CA11: variants seen among roughly 807,000 people sequenced by gnomAD.
CA11 encodes the protein carbonic anhydrase 11 (inactive), also known as carbonic anhydrase-related protein 11.
A neutral mutation model predicts 39.3 loss-of-function variants in CA11; 20 were observed. The ratio of observed to expected loss-of-function variants is 0.51; its 90% CI spans 0.36 to 0.74. CA11 has a LOEUF of 0.74. Among genes scored for constraint, CA11 ranks in the 30% least tolerant of loss-of-function variants. The pLI, the probability that CA11 is intolerant of heterozygous loss-of-function variation, is 0.00. For missense variants in CA11, 336 were observed against 424.6 expected (o/e 0.79, Z 1.83); for synonymous variants, 166 against 172.5 (o/e 0.96, Z 0.29).
At chr19:48,640,978 G>GTT (rs201065266) in intron 3 of CA11, among the ~76,000 whole-genome samples, 20 of 89,360 alleles carry the variant, frequency 2.2e-4, no homozygotes, top group African/African-American at 4.5e-4. Context: ...CCGGCTTTTT[G>GTT]TTTTTGTTTT....
At position 48,640,093 on chromosome 19, in the gene CA11, A is replaced by G. The variant is rs2031020951; in HGVS notation, c.471+2T>C. The G allele has an allele frequency of 1.9e-6, 3 of 1,611,248 alleles. No individual in the cohort carries two copies. The highest frequency in any genetic ancestry group is 2.5e-6 in the Non-Finnish European group (3 of 1,177,846). ...GGCGGGTAAACAATCAGTGGCCACTACCTCAGCAGAGAAGCCCTGGTGGTT... is the reference window on the plus strand; with the variant it reads ...GGCGGGTAAACAATCAGTGGCCACTGCCTCAGCAGAGAAGCCCTGGTGGTT... On this transcript the variant is annotated splice_donor_variant, in intron 4 of 8. Transcript: ENST00000084798. LOFTEE classifies it high-confidence loss of function.
At chr19:48,640,370 T>A (rs1601188154) in intron 3 of CA11, 90 bp from the exon 4 acceptor site, 17 of 591,306 alleles carry the variant, frequency 2.9e-5, no homozygotes, top group East Asian at 4.4e-5. Context: ...CAACAGTCTT[T>A]TTTTTTTTTT....
At position 48,640,151 on chromosome 19, in the gene CA11, C is replaced by T; in HGVS notation, c.415G>A (p.Ala139Thr). The T allele has an allele frequency of 6.2e-7, 1 of 1,614,060 alleles. No homozygotes were observed. Among genetic ancestry groups the T allele is most frequent in the Non-Finnish European group, 8.5e-7 (1 of 1,180,012 alleles). The change falls in exon 4 of 9, where the codon GCT becomes ACT. Residue 139 changes from alanine to threonine, a missense_variant. Physicochemically the swap from Ala to Thr is moderately conservative, Grantham distance 58. Transcript: ENST00000084798. Reference protein sequence around the residue: ...RLSELRLLFGARDGAGSEHQI... With the variant: ...RLSELRLLFGTRDGAGSEHQI... ...TGTTCCGAGCCGGCTCCGTCGCGAG[C>T]TCCAAACAGCAGCCGCAGTTCACTG...
intron 3 of CA11, among the ~76,000 whole-genome samples, chr19:48,641,748 G>A (rs1045700890): frequency 6.6e-6 from 1 of 151,292 alleles, no homozygotes; most frequent in Non-Finnish European, 1.5e-5. Context: ...GGGCTCAAAC[G>A]ATCCTCCTGC....
intron 3 of CA11, 136 bp from the exon 4 acceptor site, chr19:48,640,416 C>G (rs1431555539): frequency 2.1e-5 from 15 of 718,540 alleles, no homozygotes; most frequent in Admixed American, 6.7e-5. Flanking sequence ...CTCTTGTTGC[C>G]CAGGCTGGAG....
chr19:48,643,441 C>T lies in CA11; in HGVS notation c.285+986G>A, dbSNP rs1316469848. 6.6e-6 allele frequency among the ~76,000 whole-genome samples: 1 copy of T among 152,046 alleles called. No individual in the cohort carries two copies. Among genetic ancestry groups the T allele is most frequent in the Non-Finnish European group, 1.5e-5 (1 of 68,024 alleles). On this transcript the variant is annotated intron_variant, in intron 3 of 8. Coordinates refer to ENST00000084798, the MANE Select transcript of CA11 (RefSeq NM_001217.5). The surrounding 1 kb of genome is among the most constrained non-coding windows in gnomAD (Gnocchi z 4.3). The stretch of plus-strand genomic sequence containing the variant: ...GCCAGGCTGATCTCGAACTCCTAAC[C>T]TCGTGATCCACCCACCTCGGCCTCC...
Position 48,643,368 on chromosome 19 carries a change from C to G in CA11, c.285+1059G>C, listed in dbSNP as rs2031147685. On this transcript the variant is annotated intron_variant, in intron 3 of 8. Transcript: ENST00000084798. The surrounding 1 kb of genome is among the most constrained non-coding windows in gnomAD (Gnocchi z 4.3). The stretch of plus-strand genomic sequence containing the variant: ...GGGATTACAGGCACATGCCACCACA[C>G]CCGGCTAATTTTTGTATTTTTAGTA... Among the ~76,000 whole-genome samples, 1 of 152,140 alleles carries G rather than the reference C, an allele frequency of 6.6e-6. No homozygotes were observed. The highest frequency in any genetic ancestry group is 6.5e-5 in the Admixed American group (1 of 15,276).
At chr19:48,638,416 G>T in intron 8 of CA11, 1 of 1,031,682 alleles carries the variant, frequency 9.7e-7, no homozygotes. Context: ...GCGAAGCCGG[G>T]GGTGTGTGAG....
chr19:48,645,247 C>CTGGG (rs1299514652), intron 2 of CA11, among the ~76,000 whole-genome samples, 156 bp downstream of exon 2: 1 of 152,116 alleles, frequency 6.6e-6, no homozygotes, highest in Admixed American at 6.5e-5. Context: ...TGGTGAGCCC[C>CTGGG]TGGGGTTCAG....
rs773533361 is a variant in CA11, at chr19:48,638,994, G to A, written c.855C>T (p.Ser285=). ...NPPSQIFQSL[S]GNSRPLQPLA... is the part of the protein sequence containing the mutation. ...AGGGCTGCAGGGGCCGGCTGTTACC[G>A]CTGAGGCTCTGGAAGATCTGAGATG... The change falls in exon 8 of 9, where the codon AGC becomes AGT. Residue 285 remains serine, a synonymous_variant. Transcript: ENST00000084798. 3.1e-6 allele frequency: 5 copies of A among 1,613,968 alleles called. No individual in the cohort carries two copies. Among genetic ancestry groups the A allele is most frequent in the East Asian group, 2.2e-5 (1 of 44,868 alleles).
At position 48,639,793 on chromosome 19, in the gene CA11, C is replaced by A. The variant is rs2147718248; in HGVS notation, c.562G>T (p.Val188Phe). The A allele has an allele frequency of 6.2e-7, 1 of 1,613,962 alleles. No individual in the cohort carries two copies. Among genetic ancestry groups the A allele is most frequent in the East Asian group, 2.2e-5 (1 of 44,874 alleles). ...PNGLAILSLF[V>F]NVASTSNPFL... ...TGAATCTCGCCTCCGCTCACGTTGA[C>A]AAAGAGGCTGAGAATGGCCAGGCCA... The change falls in exon 5 of 9, where the codon GTC becomes TTC. Residue 188 changes from valine (V) to phenylalanine (F), a missense_variant. By Grantham distance (50) the Val-to-Phe change is conservative (BLOSUM62 -1). Coordinates refer to ENST00000084798, the MANE Select transcript of CA11 (RefSeq NM_001217.5).
chr19:48,642,954 G>A (rs565969383), intron 3 of CA11, among the ~76,000 whole-genome samples: 8 of 152,110 alleles, frequency 5.3e-5, no homozygotes, highest in Admixed American at 1.3e-4. Context: ...GGCCAGGCGC[G>A]GTGGATCACA....
intron 3 of CA11, 86 bp from the exon 4 acceptor site, chr19:48,640,366 T>G: frequency 1.5e-6 from 1 of 648,110 alleles, no homozygotes; most frequent in Non-Finnish European, 2.4e-6. Context: ...ATTCCAACAG[T>G]CTTTTTTTTT....
Position 48,645,547 on chromosome 19 carries a change from C to T in CA11, c.67+19G>A, listed in dbSNP as rs1448135135. On this transcript the variant is annotated intron_variant, in intron 1 of 8. Transcript: ENST00000084798. ...TCCACCCTCCCTCGGGGGCTCCTCCCGGGAACCCCAGGTCTTACCTGCTGC... is the reference window on the plus strand; with the variant it reads ...TCCACCCTCCCTCGGGGGCTCCTCCTGGGAACCCCAGGTCTTACCTGCTGC... The T allele has an allele frequency of 2.5e-6, 4 of 1,600,630 alleles. No homozygotes were observed. The highest frequency in any genetic ancestry group is 1.1e-5 in the South Asian group (1 of 88,878).
At chr19:48,639,517 T>A in intron 6 of CA11, 32 bp downstream of exon 6, 1 of 1,613,906 alleles carries the variant, frequency 6.2e-7, no homozygotes. Context: ...CCCTCGTGTG[T>A]GACCACTGCC....
Position 48,645,783 on chromosome 19 carries a change from C to G in CA11, c.-151G>C. ...CCCAGTTCCCCAAATGCCAAAGCAG[C>G]CAGGGACTGAGATCCGCCCTTCAAA... On this transcript the variant is annotated 5_prime_UTR_variant, in exon 1 of 9. Transcript: ENST00000084798. The G allele has an allele frequency of 1.7e-6, 1 of 583,978 alleles. No homozygotes were observed. Among genetic ancestry groups the G allele is most frequent in the Non-Finnish European group, 2.9e-6 (1 of 344,084 alleles). 36.2% of individuals were successfully genotyped at this position (583,978 alleles called of 1,614,324 possible).
rs1398195267 is a variant in CA11 at position 48,638,378 on chromosome 19, G to GA, written c.962-235_962-234insT. The GA allele has an allele frequency of 2.2e-5, 7 of 317,486 alleles. 1 individual carries two copies. Among genetic ancestry groups the GA allele is most frequent in the Non-Finnish European group, 2.9e-5 (7 of 244,678 alleles). The allele number at this position is 317,486 out of a possible 1,614,324, so 19.7% of individuals were successfully genotyped here. On this transcript the variant is annotated intron_variant, in intron 8 of 8. Transcript: ENST00000084798. ...TGAACTACTTGAAGGTCTTCATGGG[G>GA]GGGGGGGGGTGTGGACTGTACCATG... is the stretch of plus-strand genomic sequence containing the variant.
At chr19:48,638,866 G>A (rs777141420) in intron 8 of CA11, 22 bp downstream of exon 8, 2 of 1,544,744 alleles carry the variant, frequency 1.3e-6, no homozygotes, top group Non-Finnish European at 8.7e-7. Flanking sequence ...AAGACTTAGA[G>A]GGGGTGCAGA....
In CA11 at chr19:48,638,071, C is replaced by T; in HGVS notation, c.*48G>A. On this transcript the variant is annotated 3_prime_UTR_variant, in exon 9 of 9. Coordinates refer to ENST00000084798, the MANE Select transcript of CA11 (RefSeq NM_001217.5). The stretch of plus-strand genomic sequence containing the variant: ...TTGTTTTAGGGGTAACTCCCCTCGC[C>T]TTGTGGGGAGGCTTAGGACGGGCGG... 3 of 1,407,814 alleles carry T rather than the reference C, an allele frequency of 2.1e-6. No individual in the cohort carries two copies. The highest frequency in any genetic ancestry group is 2.8e-6 in the Non-Finnish European group (3 of 1,065,154). 87.2% of individuals were successfully genotyped at this position (1,407,814 alleles called of 1,614,324 possible). A position where few individuals can be genotyped will look rare whatever the true frequency, so the allele number is the denominator to read the frequency against.
Sources: allele counts gnomAD v4.1 joint callset (sites outside exome capture counted in the v4.1 genomes callset), GRCh38; gene constraint gnomAD v4.1.1; non-coding constraint Gnocchi (gnomAD v3.1); transcripts MANE v1.5; gene names NCBI Gene and HGNC (gene_info 2026-07-23, HGNC 2026-07-21).